COL22A1: variants seen among roughly 807,000 people sequenced by gnomAD.
COL22A1 encodes collagen alpha-1(XXII) chain.
Under a neutral mutation model 248.9 loss-of-function variants are expected in COL22A1, and 221 were observed. That is an observed-to-expected ratio of 0.89 (90% CI 0.80 to 0.99). COL22A1 has a LOEUF of 0.99. Among genes scored for constraint, COL22A1 ranks in the 50% least tolerant of loss-of-function variants. The pLI is 0.00. For synonymous variants in COL22A1, 891 were observed against 793.4 expected, an observed-to-expected ratio of 1.12 and a Z score of -2.07; for missense variants, 2,240 against 2,179.0, an observed-to-expected ratio of 1.03 and a Z score of -0.56.
chr8:138,903,112 T>A (rs1431851855), intron 1 of COL22A1, among the ~76,000 whole-genome samples: 1 of 152,124 alleles, frequency 6.6e-6, no homozygotes, highest in Non-Finnish European at 1.5e-5. Context: ...AACTTATGAA[T>A]TATTGAGCAT....
rs1020316871 is a variant in COL22A1 at position 138,810,985 on chromosome 8, G to A, written c.1449+814C>T. 2.0e-5 allele frequency among the ~76,000 whole-genome samples: 3 copies of A among 152,132 alleles called. 1 individual carries two copies. The South Asian group carries it at 6.2e-4, about 32-fold the overall frequency. On this transcript the variant is annotated intron_variant, in intron 9 of 64. Transcript: ENST00000303045. ...CGGTACAGGAGATGAAGGGCCCCGGGGCCATTGGCTCAGCAGAACTTCGCA... is the reference window on the plus strand; with the variant it reads ...CGGTACAGGAGATGAAGGGCCCCGGAGCCATTGGCTCAGCAGAACTTCGCA...
chr8:138,832,701 C>T (rs571332937), intron 5 of COL22A1, among the ~76,000 whole-genome samples: 1 of 152,174 alleles, frequency 6.6e-6, no homozygotes, highest in African/African-American at 2.4e-5. Flanking sequence ...GTGTCAGGTC[C>T]TTAGTAGGTG....
intron 3 of COL22A1, among the ~76,000 whole-genome samples, chr8:138,861,054 A>C: frequency 6.7e-6 from 1 of 149,866 alleles, no homozygotes. Flanking sequence ...CCATCACCCC[A>C]CTCCACCCCC....
intron 3 of COL22A1, among the ~76,000 whole-genome samples, chr8:138,851,237 A>G (rs182909190): frequency 7.9e-5 from 12 of 152,308 alleles, no homozygotes; most frequent in African/African-American, 2.6e-4. Context: ...GAGAGCTAAG[A>G]AGGAGACCAG....
At chr8:138,604,847 A>G in intron 58 of COL22A1, 78 bp from the exon 59 acceptor site, 1 of 1,186,386 alleles carries the variant, frequency 8.4e-7, no homozygotes, top group South Asian at 1.3e-5. Flanking sequence ...TAAAACTGAC[A>G]TTTCCACTCA....
chr8:138,885,389 A>G (rs1824578719), intron 1 of COL22A1, among the ~76,000 whole-genome samples: 1 of 151,988 alleles, frequency 6.6e-6, no homozygotes. Flanking sequence ...CAGGCATTGG[A>G]CACCCCATAA....
intron 61 of COL22A1, 144 bp from the exon 62 acceptor site, chr8:138,597,114 A>G (rs989770244): frequency 1.5e-6 from 1 of 646,898 alleles, no homozygotes; most frequent in Non-Finnish European, 2.7e-6. Context: ...TCTTTTCCAC[A>G]TCTCTAATCC....
intron 1 of COL22A1, among the ~76,000 whole-genome samples, chr8:138,899,051 T>A (rs1814341341): frequency 6.6e-6 from 1 of 152,216 alleles, no homozygotes; most frequent in African/African-American, 2.4e-5. Flanking sequence ...GAATTAGAAA[T>A]GTGACTTGCT....
chr8:138,770,529 G>A (rs1003182408), intron 16 of COL22A1, among the ~76,000 whole-genome samples: 7 of 152,262 alleles, frequency 4.6e-5, no homozygotes, highest in African/African-American at 9.6e-5. Context: ...AGTGCTGGAC[G>A]ATGGTGGCTG....
intron 50 of COL22A1, among the ~76,000 whole-genome samples, chr8:138,627,951 T>A (rs1375416068): frequency 1.3e-5 from 2 of 152,204 alleles, no homozygotes; most frequent in East Asian, 3.9e-4. Context: ...AAGTGAGTCA[T>A]TCACCACTCA....
chr8:138,899,987 A>C (rs1471849479), intron 1 of COL22A1, among the ~76,000 whole-genome samples: 1 of 152,238 alleles, frequency 6.6e-6, no homozygotes. Context: ...ATGATGATGC[A>C]GATGATATAA....
intron 11 of COL22A1, among the ~76,000 whole-genome samples, chr8:138,801,526 C>T (rs1816998429): frequency 6.6e-6 from 1 of 152,048 alleles, no homozygotes; most frequent in African/African-American, 2.4e-5. Flanking sequence ...TCACACACAT[C>T]AAAAAAGACA....
chr8:138,655,855 C>T (rs371091403), intron 45 of COL22A1, 42 bp downstream of exon 45: 8 of 1,518,526 alleles, frequency 5.3e-6, no homozygotes, highest in Non-Finnish European at 6.4e-6. Flanking sequence ...ATCCCGCCAT[C>T]ACCATTTTCA....
chr8:138,781,639 A>G (rs1159424158), intron 12 of COL22A1, among the ~76,000 whole-genome samples: 1 of 152,196 alleles, frequency 6.6e-6, no homozygotes, highest in East Asian at 1.9e-4. Context: ...GGGCTAGACC[A>G]GCTCCTCACC....
chr8:138,747,184 TTTCAGTGAA>T (rs1291062158), intron 22 of COL22A1, among the ~76,000 whole-genome samples: 1 of 152,224 alleles, frequency 6.6e-6, no homozygotes, highest in Non-Finnish European at 1.5e-5. Flanking sequence ...TAGGACTTGC[TTTCAGTGAA>T]TTCAGTGGTG....
intron 46 of COL22A1, 91 bp downstream of exon 46, chr8:138,649,574 C>T: frequency 6.5e-7 from 1 of 1,534,476 alleles, no homozygotes; most frequent in East Asian, 2.4e-5. Flanking sequence ...AAACCCTGAA[C>T]ACCTTCAGAG....
chr8:138,872,793 C>T (rs763573601), intron 3 of COL22A1, among the ~76,000 whole-genome samples: 13 of 152,184 alleles, frequency 8.5e-5, no homozygotes, highest in African/African-American at 2.2e-4. Flanking sequence ...ACCAGCATCA[C>T]GGCAGACCTT....
intron 53 of COL22A1, among the ~76,000 whole-genome samples, chr8:138,618,242 T>C (rs896708750): frequency 3.9e-5 from 6 of 152,206 alleles, no homozygotes; most frequent in African/African-American, 1.4e-4. Context: ...AGTCAATAAA[T>C]GACAAAGTAA....
intron 22 of COL22A1, among the ~76,000 whole-genome samples, chr8:138,741,040 G>A (rs376046528): frequency 2.0e-5 from 3 of 152,150 alleles, no homozygotes; most frequent in African/African-American, 4.8e-5. Flanking sequence ...TTTTCAGTTT[G>A]GTGTCCAGGG....
Sources: allele counts gnomAD v4.1 joint callset (sites outside exome capture counted in the v4.1 genomes callset), GRCh38; gene constraint gnomAD v4.1.1; transcripts MANE v1.5; gene names NCBI Gene and HGNC (gene_info 2026-07-23, HGNC 2026-07-21).